Variants in CEP120 observed in about 807,000 individuals in gnomAD.
CEP120 encodes centrosomal protein 120, also known as centrosomal protein of 120 kDa.
A neutral mutation model predicts 126.5 loss-of-function variants in CEP120; 113 were observed. That is an observed-to-expected ratio of 0.89 (90% confidence interval 0.77 to 1.04). The LOEUF (loss-of-function observed/expected upper bound fraction) is 1.04, where lower values mean the gene tolerates loss of function less well. Among genes scored for constraint, CEP120 ranks in the 50% least tolerant of loss-of-function variants. CEP120 has a pLI of 0.00. For missense variants in CEP120, 1,230 were observed against 1,155.7 expected (o/e 1.06, Z -0.93); for synonymous variants, 400 against 394.3 (o/e 1.01, Z -0.17).
At chr5:123,387,690 T>C (rs895397563) in intron 9 of CEP120, among the ~76,000 whole-genome samples, 1 of 152,092 alleles carries the variant, frequency 6.6e-6, no homozygotes, top group Non-Finnish European at 1.5e-5. Flanking sequence ...TCCTCAACTT[T>C]TGCAAATGCT....
intron 17 of CEP120, among the ~76,000 whole-genome samples, chr5:123,365,151 T>G (rs1358171658): frequency 6.6e-6 from 1 of 151,738 alleles, no homozygotes; most frequent in Non-Finnish European, 1.5e-5. Context: ...ATTTTAAGAA[T>G]GTTAACATAA....
At chr5:123,402,143 T>A in intron 4 of CEP120, 1 of 1,585,644 alleles carries the variant, frequency 6.3e-7, no homozygotes, top group Non-Finnish European at 8.6e-7. Flanking sequence ...TCTGGTTGAC[T>A]GTGACCGCGG....
chr5:123,399,909 T>G (rs1773062359), intron 4 of CEP120, among the ~76,000 whole-genome samples: 1 of 152,160 alleles, frequency 6.6e-6, no homozygotes, highest in African/African-American at 2.4e-5. Flanking sequence ...GGCTTTAGTA[T>G]GAGGAGACTG....
intron 4 of CEP120, among the ~76,000 whole-genome samples, chr5:123,407,094 C>G (rs530007871): frequency 1.5e-5 from 2 of 130,438 alleles, no homozygotes. Flanking sequence ...CTAGGGCAAC[C>G]ACTAAAAAAG....
At chr5:123,393,979 T>G (rs368177121) in intron 5 of CEP120, among the ~76,000 whole-genome samples, 40 of 152,310 alleles carry the variant, frequency 2.6e-4, no homozygotes, top group African/African-American at 7.9e-4. Context: ...CTGTCGAAAT[T>G]TAGAGGCCTA....
intron 1 of CEP120, among the ~76,000 whole-genome samples, chr5:123,420,085 T>C (rs193020587): frequency 8.3e-4 from 126 of 152,320 alleles, no homozygotes; most frequent in African/African-American, 2.5e-3. Flanking sequence ...GAGGCTCTCA[T>C]TGAAACTCTG....
intron 16 of CEP120, among the ~76,000 whole-genome samples, chr5:123,375,732 T>C (rs1771168188): frequency 6.6e-6 from 1 of 152,156 alleles, no homozygotes; most frequent in Non-Finnish European, 1.5e-5. Context: ...TTCCTGATAA[T>C]TGGAAGAAGA....
intron 19 of CEP120, among the ~76,000 whole-genome samples, chr5:123,349,016 A>T (rs1210416738): frequency 6.6e-6 from 1 of 152,216 alleles, no homozygotes; most frequent in Non-Finnish European, 1.5e-5. Flanking sequence ...TTGCTCAAAG[A>T]AAAATATACT....
At chr5:123,422,482 TA>T (rs1486514117) in intron 1 of CEP120, 55 of 1,533,702 alleles carry the variant, frequency 3.6e-5, no homozygotes, top group Non-Finnish European at 4.4e-5. Context: ...AAGGAATGTA[TA>T]ATACACCCTC....
In CEP120 at chr5:123,375,582, G is replaced by A. The variant is rs376560349; in HGVS notation, c.2358+1792C>T. ...AAGCACTCCTCCCACCTCAGCCTCCGAAAGTGTTGGGATTACAAGTGTGAA... is the reference window on the plus strand; with the variant it reads ...AAGCACTCCTCCCACCTCAGCCTCCAAAAGTGTTGGGATTACAAGTGTGAA... On this transcript the variant is annotated intron_variant, in intron 16 of 19. Coordinates refer to ENST00000306467, the MANE Select transcript of CEP120 (RefSeq NM_001375405.1). Among the ~76,000 whole-genome samples the A allele has an allele frequency of 8.5e-3, 1,062 of 124,888 alleles. 10 individuals are homozygous for A. Among genetic ancestry groups the A allele is most frequent in the African/African-American group, 0.028 (1,010 of 36,030 alleles). 81.9% of individuals were successfully genotyped at this position (124,888 alleles called of 152,430 possible). A position where few individuals can be genotyped will look rare whatever the true frequency, so the allele number is the denominator to read the frequency against.
chr5:123,392,293 C>A (rs780269766), intron 6 of CEP120, among the ~76,000 whole-genome samples: 1 of 152,162 alleles, frequency 6.6e-6, no homozygotes, highest in African/African-American at 2.4e-5. Flanking sequence ...CTGCATGTCA[C>A]CATTTTATAT....
intron 16 of CEP120, among the ~76,000 whole-genome samples, chr5:123,373,834 C>T (rs913894019): frequency 1.1e-4 from 17 of 151,994 alleles, no homozygotes; most frequent in Non-Finnish European, 2.5e-4. Flanking sequence ...AGACCCCCAG[C>T]CCCCAGCAGC....
intron 4 of CEP120, among the ~76,000 whole-genome samples, chr5:123,405,679 G>A (rs1000391930): frequency 6.6e-6 from 1 of 152,148 alleles, no homozygotes; most frequent in Non-Finnish European, 1.5e-5. Flanking sequence ...GTAAAAGACT[G>A]AGACCTAACC....
chr5:123,420,888 G>A (rs910112423), intron 1 of CEP120, among the ~76,000 whole-genome samples: 3 of 152,220 alleles, frequency 2.0e-5, no homozygotes, highest in African/African-American at 7.2e-5. Flanking sequence ...GAAATGGAGA[G>A]TGAATCCAGG....
chr5:123,347,074 G>A (rs541212784), intron 19 of CEP120, among the ~76,000 whole-genome samples: 2 of 152,168 alleles, frequency 1.3e-5, no homozygotes, highest in East Asian at 3.9e-4. Flanking sequence ...ATCCCAATTT[G>A]AGTAATATTT....
At chr5:123,420,654 A>C (rs1003793333) in intron 1 of CEP120, among the ~76,000 whole-genome samples, 2 of 152,214 alleles carry the variant, frequency 1.3e-5, no homozygotes. Context: ...TTTCAGAAAG[A>C]TCATCCCCAG....
chr5:123,352,697 T>C (rs1373802885), intron 18 of CEP120, among the ~76,000 whole-genome samples: 1 of 151,998 alleles, frequency 6.6e-6, no homozygotes, highest in African/African-American at 2.4e-5. Context: ...TAAATTTCCA[T>C]TTCTAAGGCT....
intron 16 of CEP120, among the ~76,000 whole-genome samples, chr5:123,373,582 A>G (rs1771004833): frequency 6.6e-6 from 1 of 152,080 alleles, no homozygotes; most frequent in Non-Finnish European, 1.5e-5. Flanking sequence ...CAACAAGCCA[A>G]CCCTGGCCCT....
intron 8 of CEP120, 51 bp downstream of exon 8, chr5:123,389,873 T>G: frequency 6.7e-7 from 1 of 1,487,476 alleles, no homozygotes; most frequent in African/African-American, 1.4e-5. Flanking sequence ...TTTAGATGGC[T>G]GCAAAATGCA....
Sources: gnomAD v4.1 joint callset for allele counts (sites outside exome capture counted in the v4.1 genomes callset) on GRCh38, gnomAD v4.1.1 for gene constraint, MANE v1.5 for transcripts, NCBI Gene and HGNC (gene_info 2026-07-23, HGNC 2026-07-21) for gene names.